The following MRO variants were observed in gnomAD, a reference collection of about 807,000 sequenced individuals.
MRO encodes maestro, also known as protein maestro.
In MRO, 28 loss-of-function variants were observed where a neutral mutation model predicts 31.0. That is an observed-to-expected ratio of 0.90 (90% CI 0.67 to 1.24). The LOEUF (loss-of-function observed/expected upper bound fraction) is 1.24. MRO is among the 50% of genes most tolerant of loss of function. The probability of loss-of-function intolerance (pLI) is 0.00; values close to 1 mark genes in which losing one functional copy is unlikely to be tolerated. For missense variants in MRO, 332 were observed against 289.2 expected, an observed-to-expected ratio of 1.15 and a Z score of -1.07; for synonymous variants, 108 against 108.4, an observed-to-expected ratio of 1.00 and a Z score of 0.02.
chr18:50,824,067 A>G (rs1423529761), upstream of MRO: 1 of 152,302 alleles, frequency 6.6e-6, no homozygotes, highest in Non-Finnish European at 1.5e-5. Context: ...ATATTTACAC[A>G]CAAGAAAAAG....
At chr18:50,801,637 G>A in intron 5 of MRO, 133 bp from the exon 6 acceptor site, 1 of 850,088 alleles carries the variant, frequency 1.2e-6, no homozygotes, top group Non-Finnish European at 1.8e-6. Flanking sequence ...CATCGATCTT[G>A]ACTGTACATT....
At chr18:50,804,963 T>C (rs2144606551) in intron 5 of MRO, among the ~76,000 whole-genome samples, 191 bp downstream of exon 5, 1 of 152,122 alleles carries the variant, frequency 6.6e-6, no homozygotes, top group South Asian at 2.1e-4. Context: ...AGCTAGTTCT[T>C]TGTATTTTAG....
chr18:50,800,227 A>T, intron 6 of MRO, 84 bp from the exon 7 acceptor site: 1 of 960,052 alleles, frequency 1.0e-6, no homozygotes, highest in East Asian at 2.7e-5. Flanking sequence ...GATTGCACCC[A>T]ATCTGTGGTC....
intron 2 of MRO, among the ~76,000 whole-genome samples, chr18:50,810,851 T>C (rs1480875037): frequency 2.0e-5 from 3 of 152,220 alleles, no homozygotes; most frequent in Non-Finnish European, 4.4e-5. Context: ...AGTTTGTTTT[T>C]TTAATTATTA....
In MRO at chr18:50,797,456, A is replaced by G. The variant is rs2847539; in HGVS notation, c.*1881T>C. 0.98 allele frequency: 148,658 copies of G among 152,322 alleles called. 72,647 individuals carry two copies. Among genetic ancestry groups the G allele is most frequent in the Middle Eastern group, 1 (294 of 294 alleles). The allele number at this position is 152,322 out of a possible 1,614,324, so 9.4% of individuals were successfully genotyped here. On this transcript the variant is annotated 3_prime_UTR_variant, in exon 8 of 8. Coordinates refer to ENST00000398439, the MANE Select transcript of MRO (RefSeq NM_031939.6). ...GATTCAAACAGAAGGGACTAAATAA[A>G]GACATGAGTATCAGGAGGCATGACT...
At chr18:50,822,802 T>C (rs777670075), upstream of MRO, among the ~76,000 whole-genome samples, 23 of 149,722 alleles carry the variant, frequency 1.5e-4, no homozygotes, top group Non-Finnish European at 2.5e-4. Context: ...TAGCAGCTTC[T>C]CATTCTTTCC....
chr18:50,819,736 C>T (rs1166294019), intron 1 of MRO, 34 bp from the exon 2 acceptor site: 24 of 1,547,406 alleles, frequency 1.6e-5, no homozygotes, highest in Admixed American at 2.0e-5. Flanking sequence ...GGAGGTGACG[C>T]AGGGTCTGTC....
At chr18:50,815,174 A>G in intron 2 of MRO, 1 of 193,676 alleles carries the variant, frequency 5.2e-6, no homozygotes, top group Non-Finnish European at 1.1e-5. Context: ...ATTGTTATTC[A>G]GATATACCAC....
At chr18:50,823,920 C>T (rs1293919088), upstream of MRO, 2 of 171,512 alleles carry the variant, frequency 1.2e-5, no homozygotes, top group Admixed American at 5.9e-5. Flanking sequence ...GATCATTGAG[C>T]ACATTCAGTT....
upstream of MRO, among the ~76,000 whole-genome samples, chr18:50,820,450 T>G (rs530543435): frequency 2.2e-4 from 34 of 152,256 alleles, no homozygotes; most frequent in Admixed American, 1.3e-4. Context: ...ATAAATCTAT[T>G]TAACAATAAT....
At chr18:50,806,226 C>T (rs1599019049) in intron 4 of MRO, among the ~76,000 whole-genome samples, 1 of 152,178 alleles carries the variant, frequency 6.6e-6, no homozygotes, top group Non-Finnish European at 1.5e-5. Context: ...TGAACCACTA[C>T]GGCCCAGCCC....
chr18:50,802,079 G>A (rs1913390794), intron 5 of MRO, among the ~76,000 whole-genome samples: 1 of 152,096 alleles, frequency 6.6e-6, no homozygotes, highest in Admixed American at 6.5e-5. Flanking sequence ...CAGTCTGAGA[G>A]CTCTTTCTAC....
intron 2 of MRO, chr18:50,815,542 A>C: frequency 3.2e-6 from 1 of 313,314 alleles, no homozygotes; most frequent in Non-Finnish European, 6.3e-6. Context: ...GTGGTGGATG[A>C]TATGATGGTT....
Position 50,798,173 on chromosome 18 carries a change from G to C in MRO, c.*1164C>G, listed in dbSNP as rs1912948197. On this transcript the variant is annotated 3_prime_UTR_variant, in exon 8 of 8. Transcript: ENST00000398439. ...TGCAATCTGGTTAGAGGGAGGGTGA[G>C]AGGGACTTAGAGATTTTTCTTGTAA... 1 of 152,184 alleles carries C rather than the reference G, an allele frequency of 6.6e-6. No individual in the cohort carries two copies. The highest frequency in any genetic ancestry group is 1.5e-5 in the Non-Finnish European group (1 of 68,052). The allele number at this position is 152,184 out of a possible 1,614,324, so 9.4% of individuals were successfully genotyped here. A position where few individuals can be genotyped will look rare whatever the true frequency, so the allele number is the denominator to read the frequency against.
At position 50,800,431 on chromosome 18, in the gene MRO, A is replaced by C. The variant is rs187724845; in HGVS notation, c.586-288T>G. ...GATTCCTAAATTTAATCTCTCTCTC[A>C]GTAACTTAAAGAAGGCAAGTGGTTT... On this transcript the variant is annotated intron_variant, in intron 6 of 7. Coordinates refer to ENST00000398439, the MANE Select transcript of MRO (RefSeq NM_031939.6). Among the ~76,000 whole-genome samples, 589 of 152,324 alleles carry C rather than the reference A, an allele frequency of 3.9e-3. 7 individuals carry two copies. Among genetic ancestry groups the C allele is most frequent in the African/African-American group, 0.013 (558 of 41,564 alleles).
chr18:50,799,299 A>G lies in MRO; in HGVS notation c.*38T>C, dbSNP rs1913051366. On this transcript the variant is annotated 3_prime_UTR_variant, in exon 8 of 8. Coordinates refer to ENST00000398439, the MANE Select transcript of MRO (RefSeq NM_031939.6). ...AACAGGGGAACATGATGGCTCAGCA[A>G]TGCACTCATACAGAACCATTTCCCT... 6 of 1,556,090 alleles carry G rather than the reference A, an allele frequency of 3.9e-6. No homozygotes were observed. The highest frequency in any genetic ancestry group is 5.3e-6 in the Non-Finnish European group (6 of 1,127,166).
At chr18:50,809,906 G>A (rs946618253) in intron 2 of MRO, among the ~76,000 whole-genome samples, 1 of 152,184 alleles carries the variant, frequency 6.6e-6, no homozygotes, top group African/African-American at 2.4e-5. Flanking sequence ...ACAAAGGATA[G>A]CCACCATAGC....
chr18:50,819,084 A>G (rs1484477766), intron 2 of MRO, among the ~76,000 whole-genome samples: 2 of 151,658 alleles, frequency 1.3e-5, no homozygotes, highest in Non-Finnish European at 2.9e-5. Context: ...AATATTAAAA[A>G]AATCGTCTTC....
chr18:50,819,676 C>A lies in MRO; in HGVS notation c.-100G>T, dbSNP rs2144681279. 6.4e-7 allele frequency: 1 copy of A among 1,551,060 alleles called. No individual in the cohort carries two copies. Among genetic ancestry groups the A allele is most frequent in the East Asian group, 2.4e-5 (1 of 40,916 alleles). ...CGGGTAGTAGCCAAATGTGATGACT[C>A]GGCTAAATTTTCCCAGCCCTGAATT... On this transcript the variant is annotated 5_prime_UTR_variant, in exon 2 of 8. The change creates a premature stop within an existing upstream ORF in the 5' untranslated region. Coordinates refer to ENST00000398439, the MANE Select transcript of MRO (RefSeq NM_031939.6).
Sources: allele counts gnomAD v4.1 joint callset (sites outside exome capture counted in the v4.1 genomes callset), GRCh38; gene constraint gnomAD v4.1.1; transcripts MANE v1.5; gene names NCBI Gene and HGNC (gene_info 2026-07-23, HGNC 2026-07-21).